MTA3: variants seen among roughly 807,000 people sequenced by gnomAD.
MTA3 encodes the protein metastasis associated 1 family member 3.
A neutral mutation model predicts 83.5 loss-of-function variants in MTA3; 34 were observed. The observed-to-expected ratio is 0.41, with a 90% CI of 0.31 to 0.54. MTA3 has a LOEUF of 0.54. Ranked by LOEUF, MTA3 falls within the 20% of genes least tolerant of loss-of-function variation. The pLI is 0.33. For missense variants in MTA3, 761 were observed against 726.4 expected, an observed-to-expected ratio of 1.05 and a Z score of -0.55; for synonymous variants, 303 against 252.7, an observed-to-expected ratio of 1.20 and a Z score of -1.89.
At chr2:42,598,812 A>G (rs932271362) in intron 3 of MTA3, among the ~76,000 whole-genome samples, 9 of 152,208 alleles carry the variant, frequency 5.9e-5, no homozygotes, top group Admixed American at 1.3e-4. Context: ...ATCATAAGAC[A>G]TGCAGAAAAC....
chr2:42,578,604 A>G (rs1679297494), intron 2 of MTA3, among the ~76,000 whole-genome samples: 1 of 152,154 alleles, frequency 6.6e-6, no homozygotes, highest in Non-Finnish European at 1.5e-5. Flanking sequence ...GCAGAGCTTC[A>G]CTGTCCATGG....
intron 3 of MTA3, among the ~76,000 whole-genome samples, chr2:42,597,074 A>AT (rs111756204): frequency 0.016 from 2,439 of 148,056 alleles, 58 homozygotes; most frequent in African/African-American, 0.053. Flanking sequence ...CCGGTGAATA[A>AT]TTTTTTTTTT....
intron 4 of MTA3, 28 bp downstream of exon 4, chr2:42,609,612 TCA>T (rs1180333671): frequency 6.2e-6 from 10 of 1,610,592 alleles, no homozygotes; most frequent in African/African-American, 1.3e-5. Context: ...ACTAAGGTAC[TCA>T]GTACTACGGT....
At chr2:42,532,066 T>C (rs1389430185) in intron 2 of MTA3, among the ~76,000 whole-genome samples, 1 of 152,256 alleles carries the variant, frequency 6.6e-6, no homozygotes, top group African/African-American at 2.4e-5. Flanking sequence ...AAAATCCAGC[T>C]TTTTAATGCT....
chr2:42,754,472 G>C lies in MTA3; in HGVS notation c.*1073G>C, dbSNP rs1670104884. 1 of 985,398 alleles carries C rather than the reference G, an allele frequency of 1.0e-6. No homozygotes were observed. The highest frequency in any genetic ancestry group is 1.7e-5 in the African/African-American group (1 of 57,234). 61.0% of individuals were successfully genotyped at this position (985,398 alleles called of 1,614,324 possible). Reference sequence around the variant, plus strand: ...CTTGGGCTCTTCGTGTTTCCCACCTGCCCTCGGCACGAGCCCTTGGTGGCA... The same window carrying C: ...CTTGGGCTCTTCGTGTTTCCCACCTCCCCTCGGCACGAGCCCTTGGTGGCA... On this transcript the variant is annotated 3_prime_UTR_variant, in exon 17 of 17. Transcript: ENST00000405094.
At chr2:42,586,031 C>G (rs1302380710) in intron 3 of MTA3, among the ~76,000 whole-genome samples, 1 of 151,998 alleles carries the variant, frequency 6.6e-6, no homozygotes, top group African/African-American at 2.4e-5. Context: ...TGCCTCTAAT[C>G]CCAGCACTTT....
In MTA3 at chr2:42,729,093, T is replaced by TTTTTTTTG. The variant is rs1558626004; in HGVS notation, c.1759+6065_1759+6066insGTTTTTTT. Among the ~76,000 whole-genome samples the TTTTTTTTG allele has an allele frequency of 3.2e-4, 12 of 37,122 alleles. 2 individuals are homozygous for TTTTTTTTG. The highest frequency in any genetic ancestry group is 1.3e-3 in the South Asian group (1 of 796). 24.4% of individuals were successfully genotyped at this position (37,122 alleles called of 152,430 possible). ...ATTAGTTTCACAGTTTGAGTTTTTT[T>TTTTTTTTG]TTTTTTTTTTTTTTTTTTTTCACAG... On this transcript the variant is annotated intron_variant, in intron 16 of 16. Coordinates refer to ENST00000405094, the MANE Select transcript of MTA3 (RefSeq NM_001330442.2).
At chr2:42,643,265 T>C (rs1343172274) in intron 5 of MTA3, among the ~76,000 whole-genome samples, 4 of 152,184 alleles carry the variant, frequency 2.6e-5, no homozygotes, top group African/African-American at 9.7e-5. Flanking sequence ...GTTCTGGTAG[T>C]AGGGACAGGT....
chr2:42,667,885 C>CT (rs1462349752), intron 8 of MTA3, among the ~76,000 whole-genome samples: 3 of 152,190 alleles, frequency 2.0e-5, no homozygotes, highest in Admixed American at 2.0e-4. Context: ...TTGCCTCTAT[C>CT]TTTTGACTGT....
At chr2:42,503,538 A>G (rs1207851275) in intron 2 of MTA3, among the ~76,000 whole-genome samples, 1 of 152,004 alleles carries the variant, frequency 6.6e-6, no homozygotes, top group African/African-American at 2.4e-5. Flanking sequence ...CTCTGGTTCA[A>G]ACACCTCTGA....
intron 16 of MTA3, among the ~76,000 whole-genome samples, chr2:42,744,756 G>T (rs1669291643): frequency 6.6e-6 from 1 of 152,206 alleles, no homozygotes; most frequent in South Asian, 2.1e-4. Context: ...CATCAAAAGA[G>T]CAGTCATAAC....
intron 1 of MTA3, 116 bp from the exon 2 acceptor site, chr2:42,570,321 G>C: frequency 1.8e-6 from 1 of 556,510 alleles, no homozygotes; most frequent in Non-Finnish European, 3.2e-6. Flanking sequence ...GCTTTTACCA[G>C]TGAATGAATT....
chr2:42,595,707 A>G (rs1681712829), intron 3 of MTA3, among the ~76,000 whole-genome samples: 1 of 152,112 alleles, frequency 6.6e-6, no homozygotes, highest in African/African-American at 2.4e-5. Context: ...GTATTTGGGT[A>G]TATATATATT....
At chr2:42,714,738 G>C (rs1666903118) in intron 14 of MTA3, among the ~76,000 whole-genome samples, 1 of 152,172 alleles carries the variant, frequency 6.6e-6, no homozygotes, top group South Asian at 2.1e-4. Flanking sequence ...GGCCGTGATG[G>C]TTTTGGGATG....
At chr2:42,689,829 T>G (rs1692714019) in intron 9 of MTA3, among the ~76,000 whole-genome samples, 1 of 70,706 alleles carries the variant, frequency 1.4e-5, no homozygotes, top group South Asian at 6.5e-4. Flanking sequence ...TCAGTGTTGT[T>G]GAACTTTGCA....
chr2:42,681,737 C>T (rs775753302), intron 8 of MTA3, among the ~76,000 whole-genome samples: 3 of 151,758 alleles, frequency 2.0e-5, no homozygotes, highest in Non-Finnish European at 4.4e-5. Flanking sequence ...CTTAAAACTC[C>T]TGGGCTCAAG....
chr2:42,627,873 C>T (rs1686271811), intron 4 of MTA3, among the ~76,000 whole-genome samples: 2 of 151,708 alleles, frequency 1.3e-5, no homozygotes, highest in African/African-American at 4.8e-5. Context: ...CCACCATTCC[C>T]TGCCAGGTTC....
chr2:42,621,888 C>T (rs1193828080), intron 4 of MTA3, among the ~76,000 whole-genome samples: 2 of 150,988 alleles, frequency 1.3e-5, no homozygotes, highest in African/African-American at 4.9e-5. Context: ...TCCTCACTTC[C>T]TAGACGGGAA....
chr2:42,601,430 A>G (rs972561178), intron 3 of MTA3, among the ~76,000 whole-genome samples: 1 of 152,214 alleles, frequency 6.6e-6, no homozygotes, highest in African/African-American at 2.4e-5. Flanking sequence ...GTTTGTAAAT[A>G]AATACTGCTC....
Sources: gnomAD v4.1 joint callset for allele counts (sites outside exome capture counted in the v4.1 genomes callset) on GRCh38, gnomAD v4.1.1 for gene constraint, MANE v1.5 for transcripts, NCBI Gene and HGNC (gene_info 2026-07-23, HGNC 2026-07-21) for gene names.